HSD11B1: variants seen among roughly 807,000 people sequenced by gnomAD.
HSD11B1 encodes 11-beta-hydroxysteroid dehydrogenase 1.
A neutral mutation model predicts 22.1 loss-of-function variants in HSD11B1; 15 were observed. That is an observed-to-expected ratio of 0.68 (90% confidence interval 0.45 to 1.04). The LOEUF (loss-of-function observed/expected upper bound fraction) is 1.04. HSD11B1 is among the 50% of genes least tolerant of loss of function. The probability of loss-of-function intolerance (pLI) is 0.00; values close to 1 mark genes in which losing one functional copy is unlikely to be tolerated. For missense variants in HSD11B1, 281 were observed against 357.6 expected (o/e 0.79, Z 1.73); for synonymous variants, 122 against 125.2 (o/e 0.97, Z 0.17).
At position 209,710,964 on chromosome 1, in the gene HSD11B1, G is replaced by C. The variant is rs996709330; in HGVS notation, c.517+3836G>C. ...TGTTTCATACTGTTTTTTAATGTAC[G>C]TGTGCAGTCTTTCAGGCACTTTGAG... On this transcript the variant is annotated intron_variant, in intron 4 of 5. Coordinates refer to ENST00000367027, the MANE Select transcript of HSD11B1 (RefSeq NM_005525.4). Among the ~76,000 whole-genome samples, 4 of 151,850 alleles carry C rather than the reference G, an allele frequency of 2.6e-5. No homozygotes were observed. In the South Asian group the frequency reaches 6.2e-4, roughly 24 times the overall value.
Position 209,714,716 on chromosome 1 carries a change from A to G in HSD11B1, c.517+7588A>G, listed in dbSNP as rs147651844. 4.1e-3 allele frequency among the ~76,000 whole-genome samples: 622 copies of G among 152,306 alleles called. 5 individuals are homozygous for G. Among genetic ancestry groups the G allele is most frequent in the African/African-American group, 0.014 (595 of 41,562 alleles). ...TTTTTAGCATCCTTGGCTCTGAATA[A>G]TTCAATCTAAAAGCCACTCATAGAG... On this transcript the variant is annotated intron_variant, in intron 4 of 5. Transcript: ENST00000367027.
intron 4 of HSD11B1, among the ~76,000 whole-genome samples, chr1:209,729,707 T>C (rs1250057731): frequency 1.3e-5 from 2 of 152,152 alleles, no homozygotes; most frequent in South Asian, 2.1e-4. Flanking sequence ...ATATCCCTGA[T>C]GAACACAGAT....
Position 209,734,562 on chromosome 1 carries a change from T to G in HSD11B1, c.*41T>G. ...TGGGCATGCTGAGGGATTTTGGGAC[T>G]GTTCTGTCTCATGTTTATCTGAGCT... is the stretch of plus-strand genomic sequence containing the variant. On this transcript the variant is annotated 3_prime_UTR_variant, in exon 6 of 6. Transcript: ENST00000367027. 7.1e-7 allele frequency: 1 copy of G among 1,408,434 alleles called. No homozygotes were observed. The highest frequency in any genetic ancestry group is 1.0e-6 in the Non-Finnish European group (1 of 997,212). The allele number at this position is 1,408,434 out of a possible 1,614,324, so 87.2% of individuals were successfully genotyped here.
At chr1:209,709,413 TATG>T (rs1293096283) in intron 4 of HSD11B1, among the ~76,000 whole-genome samples, 1 of 152,236 alleles carries the variant, frequency 6.6e-6, no homozygotes, top group Admixed American at 6.5e-5. Context: ...AAGTTTCTTG[TATG>T]TGTAACATCC....
chr1:209,721,439 TTTTC>T (rs1242662549), intron 4 of HSD11B1, among the ~76,000 whole-genome samples: 1 of 149,976 alleles, frequency 6.7e-6, no homozygotes, highest in Admixed American at 6.6e-5. Context: ...TTCTTGCAAC[TTTTC>T]TTTAAGTTTG....
At chr1:209,726,554 A>T (rs1558198988) in intron 4 of HSD11B1, among the ~76,000 whole-genome samples, 1 of 152,174 alleles carries the variant, frequency 6.6e-6, no homozygotes, top group Non-Finnish European at 1.5e-5. Flanking sequence ...TTAGCACTTC[A>T]GCCTGCGTGG....
At chr1:209,710,940 G>C (rs2076891012) in intron 4 of HSD11B1, among the ~76,000 whole-genome samples, 1 of 152,154 alleles carries the variant, frequency 6.6e-6, no homozygotes, top group African/African-American at 2.4e-5. Flanking sequence ...TCGCAGCATT[G>C]TTTCATACTG....
chr1:209,729,952 C>G (rs1311792917), intron 4 of HSD11B1, among the ~76,000 whole-genome samples: 3 of 152,108 alleles, frequency 2.0e-5, no homozygotes, highest in Non-Finnish European at 4.4e-5. Flanking sequence ...AAACCCTCAA[C>G]AAATTGGGTA....
intron 1 of HSD11B1, among the ~76,000 whole-genome samples, chr1:209,692,607 C>CGGGGGGG (rs796545462): frequency 2.5e-3 from 119 of 48,116 alleles, no homozygotes; most frequent in Non-Finnish European, 3.5e-3. Flanking sequence ...ATTAAAATGG[C>CGGGGGGG]GGGGGGGGGG....
At chr1:209,721,239 C>T (rs889648712) in intron 4 of HSD11B1, among the ~76,000 whole-genome samples, 2 of 152,108 alleles carry the variant, frequency 1.3e-5, no homozygotes, top group African/African-American at 2.4e-5. Flanking sequence ...TTTGTTATGA[C>T]AGCCCTAGGA....
At chr1:209,729,454 C>A (rs113122230) in intron 4 of HSD11B1, among the ~76,000 whole-genome samples, 68 of 151,980 alleles carry the variant, frequency 4.5e-4, no homozygotes, top group African/African-American at 1.5e-3. Flanking sequence ...TATAGTATGG[C>A]AGCTCCATGG....
intron 4 of HSD11B1, among the ~76,000 whole-genome samples, chr1:209,709,569 C>T (rs2076881603): frequency 6.6e-6 from 1 of 152,158 alleles, no homozygotes; most frequent in Non-Finnish European, 1.5e-5. Context: ...GAAAGGCAGT[C>T]CAGGGCTGAT....
chr1:209,713,575 C>T lies in HSD11B1; in HGVS notation c.517+6447C>T, dbSNP rs559624255. ...AATCATATACACACACCCTCAATTT[C>T]TTCAATGGATTGGTTCCAGGACCTC... On this transcript the variant is annotated intron_variant, in intron 4 of 5. Coordinates refer to ENST00000367027, the MANE Select transcript of HSD11B1 (RefSeq NM_005525.4). Among the ~76,000 whole-genome samples, 6 of 152,292 alleles carry T rather than the reference C, an allele frequency of 3.9e-5. No homozygotes were observed. The South Asian group carries it at 1.2e-3, about 32-fold the overall frequency.
upstream of HSD11B1, among the ~76,000 whole-genome samples, chr1:209,702,470 G>T (rs1571869676): frequency 6.6e-6 from 1 of 152,296 alleles, no homozygotes; most frequent in East Asian, 1.9e-4. Context: ...ACACAAAGTG[G>T]ATTAGATGTT....
chr1:209,701,401 C>A (rs1164052419), upstream of HSD11B1, among the ~76,000 whole-genome samples: 4 of 152,146 alleles, frequency 2.6e-5, no homozygotes, highest in African/African-American at 9.7e-5. Context: ...CAGGAAAGAC[C>A]AGCCTCCATG....
In HSD11B1 at chr1:209,706,051, C is replaced by T; in HGVS notation, c.219+110C>T. The T allele has an allele frequency of 1.5e-6, 2 of 1,350,998 alleles. No individual in the cohort carries two copies. The highest frequency in any genetic ancestry group is 2.1e-6 in the Non-Finnish European group (2 of 949,898). The allele number at this position is 1,350,998 out of a possible 1,614,324, so 83.7% of individuals were successfully genotyped here. ...CATATCGCAGATCTATATACAGAGG[C>T]ACATGCACACACACAGACACTTAAT... On this transcript the variant is annotated intron_variant, in intron 2 of 5. Transcript: ENST00000367027. The surrounding 1 kb of genome is among the most constrained non-coding windows in gnomAD (Gnocchi z 4.0).
chr1:209,734,629 T>C lies in HSD11B1; in HGVS notation c.*108T>C. ...TCTTCCCAGAGTGTCCCCAGAGACATGCAAGTCATGGGTCACACCTGACAA... is the reference window on the plus strand; with the variant it reads ...TCTTCCCAGAGTGTCCCCAGAGACACGCAAGTCATGGGTCACACCTGACAA... On this transcript the variant is annotated 3_prime_UTR_variant, in exon 6 of 6. Transcript: ENST00000367027. The C allele has an allele frequency of 1.2e-6, 1 of 863,594 alleles. No homozygotes were observed. Among genetic ancestry groups the C allele is most frequent in the South Asian group, 1.4e-5 (1 of 73,600 alleles). 53.5% of individuals were successfully genotyped at this position (863,594 alleles called of 1,614,324 possible). A position where few individuals can be genotyped will look rare whatever the true frequency, so the allele number is the denominator to read the frequency against.
At chr1:209,687,724 G>A (rs556934105) in intron 1 of HSD11B1, among the ~76,000 whole-genome samples, 1 of 152,240 alleles carries the variant, frequency 6.6e-6, no homozygotes, top group Admixed American at 6.5e-5. Context: ...CCAGATGTCC[G>A]AGAGCTCATA....
chr1:209,701,356 T>C (rs1372755494), upstream of HSD11B1, among the ~76,000 whole-genome samples: 2 of 152,078 alleles, frequency 1.3e-5, no homozygotes, highest in Non-Finnish European at 1.5e-5. Flanking sequence ...ACCCATCAGA[T>C]CTCGTGAGAC....
Sources: gnomAD v4.1 joint callset for allele counts (sites outside exome capture counted in the v4.1 genomes callset) on GRCh38, gnomAD v4.1.1 for gene constraint, Gnocchi (gnomAD v3.1) non-coding constraint, MANE v1.5 for transcripts, NCBI Gene and HGNC (gene_info 2026-07-23, HGNC 2026-07-21) for gene names.